Variants in TXLNB observed in about 807,000 individuals in gnomAD.
The protein encoded by TXLNB is taxilin beta, also known as beta-taxilin.
A neutral mutation model predicts 57.4 loss-of-function variants in TXLNB; 37 were observed. The observed-to-expected ratio is 0.64, with a 90% CI of 0.50 to 0.85. The LOEUF is 0.85. Ranked by LOEUF, TXLNB falls within the 40% of genes least tolerant of loss-of-function variation. The probability of loss-of-function intolerance (pLI) is 0.00; values close to 1 mark genes in which losing one functional copy is unlikely to be tolerated. For missense variants in TXLNB, 848 were observed against 825.6 expected (o/e 1.03, Z -0.33); for synonymous variants, 302 against 309.6 (o/e 0.98, Z 0.26).
chr6:139,274,094 G>T (rs1440406221), intron 3 of TXLNB, among the ~76,000 whole-genome samples: 1 of 152,156 alleles, frequency 6.6e-6, no homozygotes, highest in Non-Finnish European at 1.5e-5. Flanking sequence ...TACTGATGTT[G>T]TCTTAACTAC....
chr6:139,279,291 G>A (rs1776984033), intron 2 of TXLNB, among the ~76,000 whole-genome samples: 1 of 151,362 alleles, frequency 6.6e-6, no homozygotes, highest in African/African-American at 2.4e-5. Context: ...TTTCTTTTTG[G>A]TTTTGTTTGT....
chr6:139,198,195 C>CTT, the TXLNB span, among the ~76,000 whole-genome samples: 5,391 of 144,928 alleles, frequency 0.037, 109 homozygotes, highest in Non-Finnish European at 0.05. Flanking sequence ...ATCCATTGTA[C>CTT]TTTTTTTTTT....
the TXLNB span, among the ~76,000 whole-genome samples, chr6:139,318,758 C>A: frequency 1.3e-5 from 2 of 152,022 alleles, no homozygotes; most frequent in Admixed American, 1.3e-4. Context: ...TTTTTCCAGA[C>A]AAAATATGAG....
At chr6:139,268,582 A>T (rs905863740) in intron 4 of TXLNB, among the ~76,000 whole-genome samples, 1 of 152,244 alleles carries the variant, frequency 6.6e-6, no homozygotes, top group African/African-American at 2.4e-5. Context: ...TCAAATTTCA[A>T]ATATTGATTT....
At chr6:139,305,702 T>A in the TXLNB span, among the ~76,000 whole-genome samples, 7 of 152,330 alleles carry the variant, frequency 4.6e-5, no homozygotes, top group African/African-American at 1.4e-4. Flanking sequence ...CTATGTATAA[T>A]GTTAAGGAGA....
In TXLNB at chr6:139,254,781, G is replaced by T. The variant is rs138187288; in HGVS notation, c.1077+783C>A. Among the ~76,000 whole-genome samples, 120 of 152,248 alleles carry T rather than the reference G, an allele frequency of 7.9e-4. 1 individual carries two copies. In the East Asian group the frequency reaches 0.014, roughly 17 times the overall value. ...CCACTGACAAGGCCAACCTCTGATG[G>T]CATAGAAACTTGAGTGGTGACTATT... On this transcript the variant is annotated intron_variant, in intron 7 of 9. Transcript: ENST00000358430.
chr6:139,237,581 T>C (rs373002778), downstream of TXLNB: 1 of 150,862 alleles, frequency 6.6e-6, no homozygotes, highest in African/African-American at 2.4e-5. Context: ...ACCTATAACA[T>C]ATATACATAT....
At position 139,242,759 on chromosome 6, in the gene TXLNB, C is replaced by T; in HGVS notation, c.1822G>A (p.Ala608Thr). Residue 608 changes from alanine (A) to threonine (T), a missense_variant, in exon 10 of 10, where the codon GCA becomes ACA. Coordinates refer to ENST00000358430, the MANE Select transcript of TXLNB (RefSeq NM_153235.4). ...TGTGGGGCCTGACCGGAAGCTTCTG[C>T]CTCTGGCTTCCAGGACGCCTGATCA... ...QADQASWKPE[A>T]EASGQAPQAP... 6.2e-7 allele frequency: 1 copy of T among 1,614,122 alleles called. No individual in the cohort carries two copies. The highest frequency in any genetic ancestry group is 8.5e-7 in the Non-Finnish European group (1 of 1,179,990).
At chr6:139,177,705 AAAT>A in the TXLNB span, 1 of 152,522 alleles carries the variant, frequency 6.6e-6, no homozygotes, top group East Asian at 1.9e-4. This position sits in a 1 kb window ranked among gnomAD's most constrained non-coding sequence, Gnocchi z 4.9. Flanking sequence ...AGTAATATCC[AAAT>A]TGTAAGACAT....
At chr6:139,169,495 CAG>C in the TXLNB span, 1 of 152,190 alleles carries the variant, frequency 6.6e-6, no homozygotes, top group Non-Finnish European at 1.5e-5. Context: ...GCTGAAATTG[CAG>C]AGAGTAGTCT....
chr6:139,307,822 C>T, the TXLNB span, among the ~76,000 whole-genome samples: 89 of 152,220 alleles, frequency 5.8e-4, no homozygotes, highest in Non-Finnish European at 1.1e-3. Context: ...ATAATTATAT[C>T]ATTTTATCTG....
the TXLNB span, among the ~76,000 whole-genome samples, chr6:139,233,319 T>C: frequency 6.7e-6 from 1 of 148,906 alleles, no homozygotes; most frequent in African/African-American, 2.4e-5. Flanking sequence ...GTAATTTTAT[T>C]ATTTTTATAA....
intron 4 of TXLNB, among the ~76,000 whole-genome samples, chr6:139,269,974 A>G (rs1254033383): frequency 1.3e-5 from 2 of 152,158 alleles, no homozygotes; most frequent in African/African-American, 4.8e-5. Flanking sequence ...TTTTCAGATG[A>G]CTATTGACAT....
chr6:139,243,386 T>C, intron 9 of TXLNB, 72 bp from the exon 10 acceptor site: 1 of 1,456,310 alleles, frequency 6.9e-7, no homozygotes, highest in Non-Finnish European at 9.2e-7. Context: ...CCAGGATGCT[T>C]TCTGGAAACA....
chr6:139,317,287 T>C, the TXLNB span, among the ~76,000 whole-genome samples: 13 of 152,066 alleles, frequency 8.5e-5, no homozygotes, highest in Admixed American at 3.3e-4. Context: ...TCATACACAA[T>C]GATTGGCATT....
At chr6:139,180,989 A>G in the TXLNB span, among the ~76,000 whole-genome samples, 1 of 152,232 alleles carries the variant, frequency 6.6e-6, no homozygotes, top group African/African-American at 2.4e-5. Context: ...TGCGTCATGT[A>G]TCACATGTAA....
At chr6:139,265,168 G>A (rs763286020) in intron 4 of TXLNB, among the ~76,000 whole-genome samples, 3 of 152,178 alleles carry the variant, frequency 2.0e-5, no homozygotes, top group Non-Finnish European at 4.4e-5. Context: ...ACAGACATAT[G>A]AGTAGCTTGG....
At chr6:139,301,775 T>C in the TXLNB span, among the ~76,000 whole-genome samples, 1 of 152,234 alleles carries the variant, frequency 6.6e-6, no homozygotes, top group South Asian at 2.1e-4. Flanking sequence ...AATAATGAAC[T>C]AATCCCCACC....
intron 3 of TXLNB, among the ~76,000 whole-genome samples, chr6:139,274,385 C>T (rs1397990697): frequency 6.6e-6 from 1 of 152,146 alleles, no homozygotes. Flanking sequence ...GCTTTAGTCT[C>T]CACGTAAAAA....
Sources: gnomAD v4.1 joint callset for allele counts (sites outside exome capture counted in the v4.1 genomes callset) on GRCh38, gnomAD v4.1.1 for gene constraint, Gnocchi (gnomAD v3.1) non-coding constraint, MANE v1.5 for transcripts, NCBI Gene and HGNC (gene_info 2026-07-23, HGNC 2026-07-21) for gene names.